The following BTG1 variants were observed in gnomAD, a reference collection of about 807,000 sequenced individuals.
BTG1 encodes the protein BTG anti-proliferation factor 1.
Under a neutral mutation model 15.2 loss-of-function variants are expected in BTG1, and 2 were observed. The observed-to-expected ratio is 0.13, with a 90% CI of 0.05 to 0.41. The LOEUF (loss-of-function observed/expected upper bound fraction) is 0.41. Among genes scored for constraint, BTG1 ranks in the 10% least tolerant of loss-of-function variants. BTG1 has a pLI of 0.99. For missense variants in BTG1, 149 were observed against 215.0 expected (o/e 0.69, Z 1.92); for synonymous variants, 109 against 82.4 (o/e 1.32, Z -1.75).
Position 92,145,415 on chromosome 12 carries a change from T to G in BTG1, c.121A>C (p.Ser41Arg). 3.8e-6 allele frequency: 6 copies of G among 1,589,488 alleles called. No individual in the cohort carries two copies. Among genetic ancestry groups the G allele is most frequent in the Non-Finnish European group, 5.1e-6 (6 of 1,169,398 alleles). ...LTSERQLQTF[S>R]QSLQELLAEH... is the part of the protein sequence containing the mutation. ...GCCAGCAGCTCCTGCAGGCTCTGGC[T>G]GAAGGTCTGCAGCTGTCGCTCGCTC... Residue 41 changes from serine (S) to arginine (R), a missense_variant, in exon 1 of 2, where the codon AGC becomes CGC. Transcript: ENST00000256015.
chr12:92,141,281 T>C lies in BTG1; in HGVS notation c.*2799A>G, dbSNP rs1261180761. The C allele has an allele frequency of 1.3e-5, 3 of 232,414 alleles. No individual in the cohort carries two copies. Among genetic ancestry groups the C allele is most frequent in the Non-Finnish European group, 2.6e-5 (3 of 117,626 alleles). The allele number at this position is 232,414 out of a possible 1,614,324, so 14.4% of individuals were successfully genotyped here. Reference sequence around the variant, plus strand: ...TTCTGGTGGCCTTTCCAGTCTATTATTATAGAAATATTGCACATAAGGATA... The same window carrying C: ...TTCTGGTGGCCTTTCCAGTCTATTACTATAGAAATATTGCACATAAGGATA... On this transcript the variant is annotated 3_prime_UTR_variant, in exon 2 of 2. Transcript: ENST00000256015.
chr12:92,142,585 G>A lies in BTG1; in HGVS notation c.*1495C>T, dbSNP rs76835213. On this transcript the variant is annotated 3_prime_UTR_variant, in exon 2 of 2. Transcript: ENST00000256015. The stretch of plus-strand genomic sequence containing the variant: ...AGAAAGTCAGCATTTCAACTTTTGA[G>A]AATAAAAGTTCATAAACATACCTTT... The A allele has an allele frequency of 0.014, 3,294 of 232,806 alleles. 113 individuals are homozygous for A. Among genetic ancestry groups the A allele is most frequent in the African/African-American group, 0.068 (3,072 of 45,428 alleles). 14.4% of individuals were successfully genotyped at this position (232,806 alleles called of 1,614,324 possible).
At chr12:92,145,114 C>A in intron 1 of BTG1, 1 of 309,758 alleles carries the variant, frequency 3.2e-6, no homozygotes, top group Non-Finnish European at 5.6e-6. Context: ...CGGACCGCAG[C>A]TCCCGCCTCG....
In BTG1 at chr12:92,143,033, G is replaced by A. The variant is rs983938149; in HGVS notation, c.*1047C>T. On this transcript the variant is annotated 3_prime_UTR_variant, in exon 2 of 2. Transcript: ENST00000256015. ...TCCTCATCAAATGTTTTTCCAGCAT[G>A]ACCAGTGTGCAACAGAGATTCAGTT... The A allele has an allele frequency of 8.6e-6, 2 of 232,720 alleles. No homozygotes were observed. The highest frequency in any genetic ancestry group is 4.4e-5 in the African/African-American group (2 of 45,290). 14.4% of individuals were successfully genotyped at this position (232,720 alleles called of 1,614,324 possible). A position where few individuals can be genotyped will look rare whatever the true frequency, so the allele number is the denominator to read the frequency against.
Position 92,145,544 on chromosome 12 carries a change from C to T in BTG1, c.-9G>A, listed in dbSNP as rs1245394940. The T allele has an allele frequency of 4.1e-6, 6 of 1,477,860 alleles. No individual in the cohort carries two copies. Among genetic ancestry groups the T allele is most frequent in the Non-Finnish European group, 5.4e-6 (6 of 1,107,594 alleles). The allele number at this position is 1,477,860 out of a possible 1,614,324, so 91.5% of individuals were successfully genotyped here. ...GTGTAGAAGGGATGCATGGGGGCGG[C>T]GTGCGGGGGCGGCCCGGGGCGGCTG... On this transcript the variant is annotated 5_prime_UTR_variant, in exon 1 of 2. Coordinates refer to ENST00000256015, the MANE Select transcript of BTG1 (RefSeq NM_001731.3).
chr12:92,145,172 T>G, intron 1 of BTG1: 2 of 597,776 alleles, frequency 3.3e-6, no homozygotes, highest in Non-Finnish European at 5.0e-6. Context: ...CCTCTCCGTT[T>G]TGCCAGCTGG....
rs908759954 is a variant in BTG1 at position 92,140,490 on chromosome 12, T to C, written c.*3590A>G. On this transcript the variant is annotated 3_prime_UTR_variant, in exon 2 of 2. Transcript: ENST00000256015. ...AACACTTAACATCAGAAGAAAATGA[T>C]CTATAGGGATAAAGAAAATAAAGAT... 8.3e-5 allele frequency: 19 copies of C among 229,178 alleles called. No individual in the cohort carries two copies. The highest frequency in any genetic ancestry group is 1.3e-3 in the Middle Eastern group (1 of 786). 14.2% of individuals were successfully genotyped at this position (229,178 alleles called of 1,614,324 possible).
chr12:92,144,540 A>C, intron 1 of BTG1, 93 bp from the exon 2 acceptor site: 1 of 1,501,676 alleles, frequency 6.7e-7, no homozygotes, highest in South Asian at 1.2e-5. Context: ...GAGGAGCGAA[A>C]ATGAAAACTA....
At position 92,142,792 on chromosome 12, in the gene BTG1, G is replaced by A. The variant is rs769861060; in HGVS notation, c.*1288C>T. ...GTAATTGTTTTTCAAAGGTGGGTCAGAATGGAACATTTATATCTTCACTTC... is the reference window on the plus strand; with the variant it reads ...GTAATTGTTTTTCAAAGGTGGGTCAAAATGGAACATTTATATCTTCACTTC... On this transcript the variant is annotated 3_prime_UTR_variant, in exon 2 of 2. Transcript: ENST00000256015. 1.3e-5 allele frequency: 3 copies of A among 233,058 alleles called. No individual in the cohort carries two copies. Among genetic ancestry groups the A allele is most frequent in the Non-Finnish European group, 2.5e-5 (3 of 117,966 alleles). The allele number at this position is 233,058 out of a possible 1,614,324, so 14.4% of individuals were successfully genotyped here. A position where few individuals can be genotyped will look rare whatever the true frequency, so the allele number is the denominator to read the frequency against.
intron 1 of BTG1, 36 bp downstream of exon 1, chr12:92,145,347 ATGTGG>A (rs1870515057): frequency 6.7e-7 from 1 of 1,494,948 alleles, no homozygotes; most frequent in Non-Finnish European, 9.0e-7. Flanking sequence ...TGACCCAGGG[ATGTGG>A]GGCCCGCGTC....
chr12:92,140,308 A>G lies in BTG1; in HGVS notation c.*3772T>C. On this transcript the variant is annotated 3_prime_UTR_variant, in exon 2 of 2. Coordinates refer to ENST00000256015, the MANE Select transcript of BTG1 (RefSeq NM_001731.3). ...CTACATTTTTTTATTCCTATCTTGG[A>G]CATACTGAGCAATACGAAAAGTGAT... 5.0e-6 allele frequency: 1 copy of G among 199,486 alleles called. No homozygotes were observed. Among genetic ancestry groups the G allele is most frequent in the Non-Finnish European group, 1.0e-5 (1 of 96,716 alleles). 12.4% of individuals were successfully genotyped at this position (199,486 alleles called of 1,614,324 possible). A position where few individuals can be genotyped will look rare whatever the true frequency, so the allele number is the denominator to read the frequency against.
At position 92,145,606 on chromosome 12, in the gene BTG1, C is replaced by T; in HGVS notation, c.-71G>A. The stretch of plus-strand genomic sequence containing the variant: ...CGCGGCCCCGACGGCGGAGCAGCCA[C>T]CCCGGGCTTCCTCACCGGGCGGAAG... On this transcript the variant is annotated 5_prime_UTR_variant, in exon 1 of 2. It adds an upstream start codon to the 5' untranslated region. Transcript: ENST00000256015. 9.1e-7 allele frequency: 1 copy of T among 1,104,492 alleles called. No individual in the cohort carries two copies. Among genetic ancestry groups the T allele is most frequent in the Non-Finnish European group, 1.2e-6 (1 of 860,404 alleles). 68.4% of individuals were successfully genotyped at this position (1,104,492 alleles called of 1,614,324 possible). A position where few individuals can be genotyped will look rare whatever the true frequency, so the allele number is the denominator to read the frequency against.
Position 92,140,989 on chromosome 12 carries a change from G to A in BTG1, c.*3091C>T, listed in dbSNP as rs1331058953. On this transcript the variant is annotated 3_prime_UTR_variant, in exon 2 of 2. Transcript: ENST00000256015. ...ACTTCAGTTATCATACCTCTCTTCT[G>A]TAAAGAGGAAGAAGAGAGAGTATCA... 1 of 232,754 alleles carries A rather than the reference G, an allele frequency of 4.3e-6. No individual in the cohort carries two copies. The highest frequency in any genetic ancestry group is 8.5e-6 in the Non-Finnish European group (1 of 117,770). The allele number at this position is 232,754 out of a possible 1,614,324, so 14.4% of individuals were successfully genotyped here. A position where few individuals can be genotyped will look rare whatever the true frequency, so the allele number is the denominator to read the frequency against.
rs1305535180 is a variant in BTG1 at position 92,145,642 on chromosome 12, A to G, written c.-107T>C. On this transcript the variant is annotated 5_prime_UTR_variant, in exon 1 of 2. Transcript: ENST00000256015. ...CTCACCGGGCGGAAGGCTGAGAGGA[A>G]GAGAGGGCGTGAGGGGCGGACGACT... is the stretch of plus-strand genomic sequence containing the variant. The G allele has an allele frequency of 2.5e-5, 20 of 785,756 alleles. No individual in the cohort carries two copies. Among genetic ancestry groups the G allele is most frequent in the Non-Finnish European group, 3.3e-5 (19 of 572,068 alleles). The allele number at this position is 785,756 out of a possible 1,614,324, so 48.7% of individuals were successfully genotyped here. A position where few individuals can be genotyped will look rare whatever the true frequency, so the allele number is the denominator to read the frequency against.
chr12:92,144,077 A>C lies in BTG1; in HGVS notation c.*3T>G. 6.2e-7 allele frequency: 1 copy of C among 1,611,556 alleles called. No homozygotes were observed. Among genetic ancestry groups the C allele is most frequent in the Non-Finnish European group, 8.5e-7 (1 of 1,179,806 alleles). Reference sequence around the variant, plus strand: ...ATCAGATGATCCATCCACAGACTATATCTTAACCTGATACAGTCATCATAT... The same window carrying C: ...ATCAGATGATCCATCCACAGACTATCTCTTAACCTGATACAGTCATCATAT... On this transcript the variant is annotated 3_prime_UTR_variant, in exon 2 of 2. Coordinates refer to ENST00000256015, the MANE Select transcript of BTG1 (RefSeq NM_001731.3).
chr12:92,143,070 T>C lies in BTG1; in HGVS notation c.*1010A>G, dbSNP rs151203728. 288 of 232,802 alleles carry C rather than the reference T, an allele frequency of 1.2e-3. 2 individuals carry two copies. The highest frequency in any genetic ancestry group is 5.0e-3 in the African/African-American group (226 of 45,438). 14.4% of individuals were successfully genotyped at this position (232,802 alleles called of 1,614,324 possible). On this transcript the variant is annotated 3_prime_UTR_variant, in exon 2 of 2. Coordinates refer to ENST00000256015, the MANE Select transcript of BTG1 (RefSeq NM_001731.3). Reference sequence around the variant, plus strand: ...ACAGAGATTCAGTTTATAGAACCTGTCTTCTAAGAAAAAATACTTTTAGCT... The same window carrying C: ...ACAGAGATTCAGTTTATAGAACCTGCCTTCTAAGAAAAAATACTTTTAGCT...
chr12:92,144,298 T>A lies in BTG1; in HGVS notation c.298A>T (p.Ser100Cys). 1 of 1,614,238 alleles carries A rather than the reference T, an allele frequency of 6.2e-7. No homozygotes were observed. The highest frequency in any genetic ancestry group is 8.5e-7 in the Non-Finnish European group (1 of 1,180,038). The change falls in exon 2 of 2, where the codon AGT (serine) becomes TGT (cysteine). Residue 100 changes from serine (S) to cysteine (C), a missense_variant. This residue lies in a region of BTG1 where 34 missense variants were observed against 96.8 expected (regional missense o/e 0.35). Coordinates refer to ENST00000256015, the MANE Select transcript of BTG1 (RefSeq NM_001731.3). ...GGGTCAACCCAGAGTGTGAGTTCAC[T>A]TGGGAGAAGCCTGAACAGCTCCTGA... ...SSQELFRLLP[S>C]ELTLWVDPYE...
rs977055499 is a variant in BTG1 at position 92,140,816 on chromosome 12, A to G, written c.*3264T>C. The stretch of plus-strand genomic sequence containing the variant: ...AATCTATTCAGTTTTAGACAATCCA[A>G]GATATACTTTTTGAAGACTTCCATG... On this transcript the variant is annotated 3_prime_UTR_variant, in exon 2 of 2. Transcript: ENST00000256015. 1 of 232,550 alleles carries G rather than the reference A, an allele frequency of 4.3e-6. No homozygotes were observed. Among genetic ancestry groups the G allele is most frequent in the Non-Finnish European group, 8.5e-6 (1 of 117,596 alleles). 14.4% of individuals were successfully genotyped at this position (232,550 alleles called of 1,614,324 possible).
Position 92,141,674 on chromosome 12 carries a change from T to C in BTG1, c.*2406A>G, listed in dbSNP as rs1356270734. ...ACCGCAGATACAGGTTCAGCTCAAT[T>C]GTCTGGGGAAGGTAAGGTTAAAGTC... On this transcript the variant is annotated 3_prime_UTR_variant, in exon 2 of 2. Coordinates refer to ENST00000256015, the MANE Select transcript of BTG1 (RefSeq NM_001731.3). The C allele has an allele frequency of 3.4e-5, 8 of 232,094 alleles. No homozygotes were observed. Among genetic ancestry groups the C allele is most frequent in the African/African-American group, 1.8e-4 (8 of 45,268 alleles). The allele number at this position is 232,094 out of a possible 1,614,324, so 14.4% of individuals were successfully genotyped here.
Sources: allele counts gnomAD v4.1 joint callset, GRCh38; gene constraint gnomAD v4.1.1; regional missense constraint gnomAD v4.1.1; transcripts MANE v1.5; gene names NCBI Gene and HGNC (gene_info 2026-07-23, HGNC 2026-07-21).